EXTL3: variants seen among roughly 807,000 people sequenced by gnomAD.
The protein encoded by EXTL3 is exostosin like glycosyltransferase 3.
EXTL3 carries 27 observed loss-of-function variants against 69.3 expected under a neutral mutation model. That is an observed-to-expected ratio of 0.39 (90% CI 0.29 to 0.54). The LOEUF is 0.54. Among genes scored for constraint, EXTL3 ranks in the 20% least tolerant of loss-of-function variants. The pLI, the probability that EXTL3 is intolerant of heterozygous loss-of-function variation, is 0.69. For synonymous variants in EXTL3, 511 were observed against 499.4 expected, an observed-to-expected ratio of 1.02 and a Z score of -0.31; for missense variants, 1,003 against 1,231.8, an observed-to-expected ratio of 0.81 and a Z score of 2.78.
intron 2 of EXTL3, among the ~76,000 whole-genome samples, chr8:28,614,914 C>T (rs73232987): frequency 0.091 from 13,769 of 152,102 alleles, 814 homozygotes; most frequent in Middle Eastern, 0.15. Flanking sequence ...ATCCCAGCAT[C>T]CATTAGCTGT....
chr8:28,716,503 G>A lies in EXTL3; in HGVS notation c.444G>A (p.Gln148=). 6.2e-7 allele frequency: 1 copy of A among 1,614,000 alleles called. No individual in the cohort carries two copies. The highest frequency in any genetic ancestry group is 8.5e-7 in the Non-Finnish European group (1 of 1,180,034). ...TEHSYKELMA[Q]NQPKLSLPIR... is the part of the protein sequence containing the mutation. ...ATTCCTACAAGGAGCTCATGGCCCA[G>A]AACCAGCCCAAGCTGTCCCTGCCCA... The change falls in exon 3 of 7, where the codon CAG becomes CAA. Residue 148 remains glutamine, a synonymous_variant. Coordinates refer to ENST00000220562, the MANE Select transcript of EXTL3 (RefSeq NM_001440.4). The surrounding 1 kb of genome is among the most constrained non-coding windows in gnomAD (Gnocchi z 7.1).
chr8:28,644,713 G>GT (rs1335579077), intron 1 of EXTL3, among the ~76,000 whole-genome samples: 3 of 152,154 alleles, frequency 2.0e-5, no homozygotes, highest in African/African-American at 7.2e-5. Flanking sequence ...AATGTTCAAT[G>GT]TATCTTTTCG....
At position 28,643,516 on chromosome 8, in the gene EXTL3, G is replaced by A. The variant is rs186013437; in HGVS notation, c.-53+20706G>A. Among the ~76,000 whole-genome samples the A allele has an allele frequency of 7.7e-3, 1,148 of 149,802 alleles. 8 individuals are homozygous for A. The highest frequency in any genetic ancestry group is 0.013 in the Non-Finnish European group (875 of 67,726). ...TGCAAGCTCTGCCTCCCGGGTTTAC[G>A]CCATTCTCCTGCCTCAGCCTCCCGA... On this transcript the variant is annotated intron_variant, in intron 1 of 6. Coordinates refer to the EXTL3 transcript ENST00000523149.
In EXTL3 at chr8:28,717,439, C is replaced by G; in HGVS notation, c.1380C>G (p.Val460=). 2 of 1,614,150 alleles carry G rather than the reference C, an allele frequency of 1.2e-6. No homozygotes were observed. Among genetic ancestry groups the G allele is most frequent in the Non-Finnish European group, 1.7e-6 (2 of 1,180,030 alleles). The change falls in exon 3 of 7, where the codon GTC becomes GTG. Residue 460 remains valine (V), a synonymous_variant. Transcript: ENST00000220562. This position sits in a 1 kb window ranked among gnomAD's most constrained non-coding sequence, Gnocchi z 8.3. The part of the protein sequence containing the change: ...RLFEALEVGA[V]PVVLGEQVQL... ...TCGAAGCCCTGGAAGTCGGTGCCGT[C>G]CCGGTGGTGCTGGGGGAGCAGGTCC...
Position 28,665,500 on chromosome 8 carries a change from C to T in EXTL3, c.-53+42690C>T, listed in dbSNP as rs138394163. ...GGTCATGGCTCACTACAGCCTCAATCTCCTGGGCTCAAGTGATCCTCCCAC... is the reference window on the plus strand; with the variant it reads ...GGTCATGGCTCACTACAGCCTCAATTTCCTGGGCTCAAGTGATCCTCCCAC... On this transcript the variant is annotated intron_variant, in intron 1 of 6. Transcript: ENST00000523149. Among the ~76,000 whole-genome samples, 425 of 147,682 alleles carry T rather than the reference C, an allele frequency of 2.9e-3. 1 individual carries two copies. The highest frequency in any genetic ancestry group is 0.01 in the African/African-American group (409 of 40,020).
chr8:28,699,408 CTG>C (rs33911551), upstream of EXTL3: 40,196 of 152,676 alleles, frequency 0.26, 5,244 homozygotes, highest in Middle Eastern at 0.33. Context: ...CTAGAGGAGA[CTG>C]AGACAGGGGA....
At chr8:28,655,410 C>T (rs941751662) in intron 1 of EXTL3, among the ~76,000 whole-genome samples, 10 of 152,136 alleles carry the variant, frequency 6.6e-5, no homozygotes, top group African/African-American at 7.2e-5. Context: ...ACATTTAAGC[C>T]GGAACGATCT....
chr8:28,656,086 T>G (rs1585234249), intron 1 of EXTL3, among the ~76,000 whole-genome samples: 1 of 152,286 alleles, frequency 6.6e-6, no homozygotes, highest in East Asian at 1.9e-4. Flanking sequence ...CAACTGCCAT[T>G]AAAACTTATT....
intron 6 of EXTL3, among the ~76,000 whole-genome samples, chr8:28,749,572 G>C (rs1051885143): frequency 6.6e-6 from 1 of 152,196 alleles, no homozygotes; most frequent in Non-Finnish European, 1.5e-5. Flanking sequence ...TAAAACCCAA[G>C]TTCATGGCTA....
chr8:28,632,622 C>T (rs925562351), intron 1 of EXTL3, among the ~76,000 whole-genome samples: 49 of 145,272 alleles, frequency 3.4e-4, no homozygotes, highest in African/African-American at 1.2e-3. Flanking sequence ...GGTACGATCT[C>T]GGCTCACCAC....
intron 1 of EXTL3, among the ~76,000 whole-genome samples, chr8:28,649,157 G>A (rs966481949): frequency 6.6e-6 from 1 of 152,162 alleles, no homozygotes; most frequent in East Asian, 1.9e-4. Flanking sequence ...TTCTTCCTCT[G>A]CCTCCCAAGT....
At chr8:28,613,914 G>T (rs1806300380) in intron 2 of EXTL3, among the ~76,000 whole-genome samples, 1 of 151,506 alleles carries the variant, frequency 6.6e-6, no homozygotes, top group Non-Finnish European at 1.5e-5. Flanking sequence ...TGACCTCCTG[G>T]GCTCAAACGA....
chr8:28,739,527 C>T (rs976884644), intron 5 of EXTL3, among the ~76,000 whole-genome samples: 2 of 151,986 alleles, frequency 1.3e-5, no homozygotes, highest in South Asian at 2.1e-4. Context: ...GATGCAGTTT[C>T]GCCATGTTGC....
intron 1 of EXTL3, among the ~76,000 whole-genome samples, chr8:28,708,426 CTTT>C (rs71549693): frequency 8.4e-6 from 1 of 118,746 alleles, no homozygotes; most frequent in Non-Finnish European, 1.8e-5. Context: ...TGGGAAGTGC[CTTT>C]TTTTTTTTTT....
intron 3 of EXTL3, 100 bp downstream of exon 3, chr8:28,718,307 A>G: frequency 1.7e-6 from 2 of 1,169,988 alleles, no homozygotes; most frequent in Non-Finnish European, 2.5e-6. Context: ...AACTTCTAGC[A>G]GAGGAGAATA....
At chr8:28,620,799 C>T (rs1035872892), upstream of EXTL3, among the ~76,000 whole-genome samples, 3 of 152,068 alleles carry the variant, frequency 2.0e-5, no homozygotes, top group African/African-American at 7.3e-5. Flanking sequence ...TCACTGCAGC[C>T]CTGAACTCCT....
intron 1 of EXTL3, among the ~76,000 whole-genome samples, chr8:28,644,351 G>T (rs1806794154): frequency 6.6e-6 from 1 of 151,992 alleles, no homozygotes; most frequent in African/African-American, 2.4e-5. Context: ...ACATTACTCT[G>T]GGTGTATGCT....
chr8:28,694,095 A>G (rs1440848293), intron 1 of EXTL3, among the ~76,000 whole-genome samples: 4 of 151,898 alleles, frequency 2.6e-5, no homozygotes, highest in African/African-American at 9.7e-5. Context: ...AAAATGAGGC[A>G]CCTCCCTCTC....
At chr8:28,682,980 A>G (rs1489972232) in intron 1 of EXTL3, among the ~76,000 whole-genome samples, 1 of 152,144 alleles carries the variant, frequency 6.6e-6, no homozygotes, top group African/African-American at 2.4e-5. Context: ...TTGAATGTGG[A>G]TATCCAGTTT....
Sources: allele counts gnomAD v4.1 joint callset (sites outside exome capture counted in the v4.1 genomes callset), GRCh38; gene constraint gnomAD v4.1.1; non-coding constraint Gnocchi (gnomAD v3.1); transcripts MANE v1.5; gene names NCBI Gene and HGNC (gene_info 2026-07-23, HGNC 2026-07-21).